Variants in DNAH11 observed in about 807,000 individuals in gnomAD.
The protein encoded by DNAH11 is axonemal beta dynein heavy chain 11.
A neutral mutation model predicts 526.0 loss-of-function variants in DNAH11; 442 were observed. The observed-to-expected ratio is 0.84, with a 90% CI of 0.78 to 0.91. The LOEUF (loss-of-function observed/expected upper bound fraction) is 0.91, where lower values mean the gene tolerates loss of function less well. Ranked by LOEUF, DNAH11 falls within the 40% of genes least tolerant of loss-of-function variation. The probability of loss-of-function intolerance (pLI) is 0.00; values close to 1 mark genes in which losing one functional copy is unlikely to be tolerated. For synonymous variants in DNAH11, 2,461 were observed against 1,935.9 expected (o/e 1.27, Z -7.12); for missense variants, 6,989 against 5,448.7 (o/e 1.28, Z -8.90).
chr7:21,600,759 A>C lies in DNAH11; in HGVS notation c.3084A>C (p.Leu1028Phe). 6.2e-7 allele frequency: 1 copy of C among 1,613,914 alleles called. No homozygotes were observed. Among genetic ancestry groups the C allele is most frequent in the South Asian group, 1.1e-5 (1 of 91,064 alleles). ...NRVVNVINKVLDFRNTLETHT... is the reference protein window; with the variant it reads ...NRVVNVINKVFDFRNTLETHT... Reference sequence around the variant, plus strand: ...TGGTGAATGTCATCAACAAAGTCTTAGATTTCAGAAACACCCTGGAGACCC... The same window carrying C: ...TGGTGAATGTCATCAACAAAGTCTTCGATTTCAGAAACACCCTGGAGACCC... Residue 1028 changes from leucine (L) to phenylalanine (F), a missense_variant, in exon 16 of 82, where the codon TTA (leucine) becomes TTC (phenylalanine). Physicochemically the swap from Leu to Phe is conservative, Grantham distance 22 (BLOSUM62 0). Transcript: ENST00000409508.
Position 21,676,695 on chromosome 7 carries a change from G to A in DNAH11, c.5329-4851G>A, listed in dbSNP as rs186285781. Among the ~76,000 whole-genome samples, 42 of 152,290 alleles carry A rather than the reference G, an allele frequency of 2.8e-4. No homozygotes were observed. The East Asian group carries it at 6.4e-3, about 23-fold the overall frequency. On this transcript the variant is annotated intron_variant, in intron 30 of 81. Transcript: ENST00000409508. ...TTGGGAGGCTCAGGCAAGACAATGCGTGTGAATGCACTTACAATTATACAT... is the reference window on the plus strand; with the variant it reads ...TTGGGAGGCTCAGGCAAGACAATGCATGTGAATGCACTTACAATTATACAT...
intron 76 of DNAH11, among the ~76,000 whole-genome samples, chr7:21,885,766 T>C (rs1255238830): frequency 6.6e-6 from 1 of 152,170 alleles, no homozygotes; most frequent in East Asian, 1.9e-4. Flanking sequence ...AAGACAAGTA[T>C]GGTGATTTGA....
At chr7:21,795,539 C>T (rs187497911) in intron 61 of DNAH11, among the ~76,000 whole-genome samples, 1 of 152,330 alleles carries the variant, frequency 6.6e-6, no homozygotes, top group East Asian at 1.9e-4. Flanking sequence ...TTATGCCTAG[C>T]ACCTGACACA....
intron 51 of DNAH11, among the ~76,000 whole-genome samples, chr7:21,746,319 A>G (rs78676815): frequency 0.012 from 1,814 of 152,296 alleles, 39 homozygotes; most frequent in African/African-American, 0.041. Flanking sequence ...GAAAACAAGA[A>G]GAGGCTGAGT....
At chr7:21,578,033 G>C (rs1240042125) in intron 8 of DNAH11, among the ~76,000 whole-genome samples, 5 of 152,130 alleles carry the variant, frequency 3.3e-5, no homozygotes, top group African/African-American at 1.2e-4. Flanking sequence ...GAGGCCTCAG[G>C]AAACTTACAA....
intron 28 of DNAH11, among the ~76,000 whole-genome samples, chr7:21,641,963 T>C (rs1787150459): frequency 1.3e-5 from 2 of 152,076 alleles, no homozygotes; most frequent in South Asian, 4.1e-4. Context: ...CTCTCCAAAC[T>C]CCCTCACAGC....
chr7:21,813,253 A>T (rs1175580596), intron 63 of DNAH11, among the ~76,000 whole-genome samples: 1 of 152,146 alleles, frequency 6.6e-6, no homozygotes, highest in African/African-American at 2.4e-5. Context: ...TTTGCACTCC[A>T]CTCATTGCTT....
chr7:21,600,652 G>C (rs780535764), intron 15 of DNAH11, 24 bp from the exon 16 acceptor site: 39 of 1,573,876 alleles, frequency 2.5e-5, no homozygotes, highest in Non-Finnish European at 3.3e-5. Context: ...TGAATAGTAA[G>C]TGCTGTGTTT....
rs1785011409 is a variant in DNAH11, at chr7:21,599,959, A to C, written c.2840A>C (p.Gln947Pro). The C allele has an allele frequency of 6.2e-7, 1 of 1,613,780 alleles. No individual in the cohort carries two copies. Among genetic ancestry groups the C allele is most frequent in the East Asian group, 2.2e-5 (1 of 44,866 alleles). Reference protein sequence around the residue: ...QLKPAPFFQAQMILLPPEIVF... With the variant: ...QLKPAPFFQAPMILLPPEIVF... ...AAACCGGCACCGTTTTTTCAAGCAC[A>C]AATGATCTTGTTGCCTCCTGAGATT... The change falls in exon 15 of 82, where the codon CAA becomes CCA. Residue 947 changes from glutamine (Q) to proline (P), a missense_variant. By Grantham distance (76) the Gln-to-Pro change is moderately conservative. Transcript: ENST00000409508.
At chr7:21,685,978 A>G (rs1783358970) in intron 32 of DNAH11, among the ~76,000 whole-genome samples, 1 of 152,198 alleles carries the variant, frequency 6.6e-6, no homozygotes, top group Non-Finnish European at 1.5e-5. Flanking sequence ...CCATATGCCT[A>G]CCCAAAACTT....
chr7:21,585,552 T>A (rs1784454265), intron 9 of DNAH11, among the ~76,000 whole-genome samples: 2 of 152,220 alleles, frequency 1.3e-5, no homozygotes, highest in Non-Finnish European at 2.9e-5. Context: ...TATAGTACTT[T>A]AAAATCTGAA....
intron 44 of DNAH11, among the ~76,000 whole-genome samples, chr7:21,722,222 A>C (rs1006759970): frequency 1.3e-5 from 2 of 152,214 alleles, no homozygotes; most frequent in Non-Finnish European, 2.9e-5. Flanking sequence ...CAGAGGGGCA[A>C]AGTAACTTGC....
intron 56 of DNAH11, among the ~76,000 whole-genome samples, chr7:21,774,422 G>A (rs1276669354): frequency 6.6e-6 from 1 of 152,080 alleles, no homozygotes; most frequent in Non-Finnish European, 1.5e-5. Context: ...TCCCAAGGTA[G>A]AGCTGTTCCT....
intron 44 of DNAH11, among the ~76,000 whole-genome samples, chr7:21,724,214 C>T (rs1255015401): frequency 1.3e-5 from 2 of 152,224 alleles, no homozygotes; most frequent in African/African-American, 4.8e-5. Flanking sequence ...ATCATCTGAA[C>T]TGTCCTGGCT....
At chr7:21,808,395 A>G (rs995898881) in intron 63 of DNAH11, among the ~76,000 whole-genome samples, 1 of 152,172 alleles carries the variant, frequency 6.6e-6, no homozygotes, top group African/African-American at 2.4e-5. Context: ...TAAGAACACT[A>G]TAATTCTTCC....
At chr7:21,817,936 A>T (rs897197333) in intron 64 of DNAH11, among the ~76,000 whole-genome samples, 2 of 152,188 alleles carry the variant, frequency 1.3e-5, no homozygotes, top group Non-Finnish European at 2.9e-5. Flanking sequence ...ACTTACACTT[A>T]TTTCAACTAC....
chr7:21,615,947 G>A (rs1038069412), intron 21 of DNAH11, among the ~76,000 whole-genome samples: 2 of 152,166 alleles, frequency 1.3e-5, no homozygotes, highest in East Asian at 3.9e-4. Context: ...ACAGGATTAA[G>A]TGATAATGAT....
rs891069273 is a variant in DNAH11 at position 21,566,590 on chromosome 7, C to T, written c.1194+2193C>T. On this transcript the variant is annotated intron_variant, in intron 6 of 81. Coordinates refer to ENST00000409508, the MANE Select transcript of DNAH11 (RefSeq NM_001277115.2). The stretch of plus-strand genomic sequence containing the variant: ...ACTATGACGTAGGTATTATTAGTAG[C>T]TTCATTTTATAATGAAAAAAAAAAA... Among the ~76,000 whole-genome samples, 17 of 129,806 alleles carry T rather than the reference C, an allele frequency of 1.3e-4. No individual in the cohort carries two copies. In the East Asian group the frequency reaches 3.3e-3, roughly 25 times the overall value. The allele number at this position is 129,806 out of a possible 152,430, so 85.2% of individuals were successfully genotyped here. A position where few individuals can be genotyped will look rare whatever the true frequency, so the allele number is the denominator to read the frequency against.
At chr7:21,650,481 A>G (rs551745030) in intron 28 of DNAH11, among the ~76,000 whole-genome samples, 1 of 150,546 alleles carries the variant, frequency 6.6e-6, no homozygotes, top group African/African-American at 2.4e-5. Flanking sequence ...TTGATGTTTC[A>G]TAGCTGTAAG....
Sources: gnomAD v4.1 joint callset for allele counts (sites outside exome capture counted in the v4.1 genomes callset) on GRCh38, gnomAD v4.1.1 for gene constraint, MANE v1.5 for transcripts, NCBI Gene and HGNC (gene_info 2026-07-23, HGNC 2026-07-21) for gene names.